TERB1: variants seen among roughly 807,000 people sequenced by gnomAD.
TERB1 encodes the protein telomere repeats-binding bouquet formation protein 1.
TERB1 carries 63 observed loss-of-function variants against 92.3 expected under a neutral mutation model. The ratio of observed to expected loss-of-function variants is 0.68; its 90% confidence interval spans 0.56 to 0.84. The LOEUF (loss-of-function observed/expected upper bound fraction) is 0.84, where lower values mean the gene tolerates loss of function less well. Ranked by LOEUF, TERB1 falls within the 40% of genes least tolerant of loss-of-function variation. The pLI, the probability that TERB1 is intolerant of heterozygous loss-of-function variation, is 0.00. For missense variants in TERB1, 709 were observed against 843.7 expected (o/e 0.84, Z 1.98); for synonymous variants, 252 against 283.9 (o/e 0.89, Z 1.13).
At chr16:66,799,036 A>G (rs1282855311) in intron 2 of TERB1, among the ~76,000 whole-genome samples, 1 of 152,190 alleles carries the variant, frequency 6.6e-6, no homozygotes, top group Non-Finnish European at 1.5e-5. Context: ...ATAAATACAT[A>G]TTGCTTTTGA....
At chr16:66,768,997 C>T (rs1043823681) in intron 14 of TERB1, among the ~76,000 whole-genome samples, 6 of 151,338 alleles carry the variant, frequency 4.0e-5, no homozygotes, top group African/African-American at 1.5e-4. Flanking sequence ...CCCAGCTACT[C>T]GGGAGGCTGA....
In TERB1 at chr16:66,788,223, T is replaced by C. The variant is rs1323175011; in HGVS notation, c.346A>G (p.Ile116Val). The change falls in exon 6 of 19, where the codon ATA becomes GTA. Residue 116 changes from isoleucine to valine, a missense_variant. Physicochemically the swap from Ile to Val is conservative, Grantham distance 29. Transcript: ENST00000433154. ...LTWFLSNDSN[I>V]NLKRMSVYVI... ...TAAACAGACATTCTTTTCAAATTTA[T>C]GTTTGAATCATTAGATAAGAACCAA... 6.6e-7 allele frequency: 1 copy of C among 1,513,196 alleles called. No individual in the cohort carries two copies. The allele number at this position is 1,513,196 out of a possible 1,614,324, so 93.7% of individuals were successfully genotyped here. A position where few individuals can be genotyped will look rare whatever the true frequency, so the allele number is the denominator to read the frequency against.
At position 66,772,703 on chromosome 16, in the gene TERB1, A is replaced by G; in HGVS notation, c.1158T>C (p.Asn386=). Residue 386 remains asparagine (N), a synonymous_variant, in exon 13 of 19, where the codon AAT becomes AAC. Coordinates refer to ENST00000433154, the MANE Select transcript of TERB1 (RefSeq NM_001136505.2). ...TTATGTCCTTTAATTGCTGTGTTTC[A>G]TTTTCATCAAAAGGATATTCTCCTA... ...LSLGEYPFDE[N]ETQQLKDISV... The G allele has an allele frequency of 6.5e-7, 1 of 1,549,016 alleles. No individual in the cohort carries two copies. Among genetic ancestry groups the G allele is most frequent in the Non-Finnish European group, 8.7e-7 (1 of 1,145,412 alleles).
chr16:66,767,534 G>C, intron 15 of TERB1, 24 bp from the exon 16 acceptor site: 252 of 888,932 alleles, frequency 2.8e-4, no homozygotes, highest in Middle Eastern at 4.6e-4. Context: ...CAAAATGAAG[G>C]ATTTTTGGAT....
rs769678480 is a variant in TERB1, at chr16:66,788,300, G to A, written c.272-3C>T. The A allele has an allele frequency of 1.4e-6, 2 of 1,473,130 alleles. No individual in the cohort carries two copies. The highest frequency in any genetic ancestry group is 1.4e-5 in the South Asian group (1 of 70,084). 91.3% of individuals were successfully genotyped at this position (1,473,130 alleles called of 1,614,324 possible). On this transcript the variant is annotated splice_region_variant and splice_polypyrimidine_tract_variant and intron_variant, in intron 5 of 18. Transcript: ENST00000433154. ...ACACAAAGTCTGCTGACAGTAAACT[G>A]AAATATAAAATATAATTTTAATTTC...
In TERB1 at chr16:66,775,900, C is replaced by CA. The variant is rs1229316918; in HGVS notation, c.986-658dup. Among the ~76,000 whole-genome samples the CA allele has an allele frequency of 3.3e-5, 5 of 151,692 alleles. No individual in the cohort carries two copies. The East Asian group carries it at 1.0e-3, about 31-fold the overall frequency. ...TATTTTTTTGTATTTTTAGTAGAGA[C>CA]AGGGTTTCAACATGCTCACCAAGCT... On this transcript the variant is annotated intron_variant, in intron 11 of 18. Transcript: ENST00000433154.
In TERB1 at chr16:66,789,583, C is replaced by CAAAAAAAAAAAAAAAAAAAA. The variant is rs1168904056; in HGVS notation, c.271+992_271+1011dup. On this transcript the variant is annotated intron_variant, in intron 5 of 18. Transcript: ENST00000433154. Reference sequence around the variant, plus strand: ...TGGGCGACAGAGCGAGACTCCGTCTCAAAAAAAAAAAAAAAAAAAAAAAAA... The same window carrying CAAAAAAAAAAAAAAAAAAAA: ...TGGGCGACAGAGCGAGACTCCGTCTCAAAAAAAAAAAAAAAAAAAAAAAAAAAAAAAAAAAAAAAAAAAAA... Among the ~76,000 whole-genome samples, 3 of 5,662 alleles carry CAAAAAAAAAAAAAAAAAAAA rather than the reference C, an allele frequency of 5.3e-4. 1 individual carries two copies. The highest frequency in any genetic ancestry group is 6.7e-4 in the Non-Finnish European group (3 of 4,448). 3.7% of individuals were successfully genotyped at this position (5,662 alleles called of 152,430 possible).
At chr16:66,757,794 C>G (rs1281109352) in intron 18 of TERB1, among the ~76,000 whole-genome samples, 1 of 151,930 alleles carries the variant, frequency 6.6e-6, no homozygotes, top group Non-Finnish European at 1.5e-5. Flanking sequence ...TAACTCCGTA[C>G]GAATAAAAGA....
rs2018816287 is a variant in TERB1, at chr16:66,790,644, C to A, written c.222G>T (p.Met74Ile). 6.5e-7 allele frequency: 1 copy of A among 1,550,040 alleles called. No individual in the cohort carries two copies. The highest frequency in any genetic ancestry group is 2.0e-5 in the Admixed American group (1 of 50,914). Residue 74 changes from methionine (M) to isoleucine (I), a missense_variant, in exon 5 of 19, where the codon ATG (methionine) becomes ATT (isoleucine). Transcript: ENST00000433154. ...KNLAKSSEHSMVKEAALYTLG... is the reference protein window; with the variant it reads ...KNLAKSSEHSIVKEAALYTLG... ...ATGTATATAAGGCTGCTTCTTTTAC[C>A]ATGCTATGTTCACTTGACTTTGCAA...
chr16:66,771,299 G>A (rs1448632060), intron 13 of TERB1, among the ~76,000 whole-genome samples: 1 of 152,156 alleles, frequency 6.6e-6, no homozygotes, highest in East Asian at 1.9e-4. Context: ...AGATCAAAAC[G>A]CTGTGGGGAA....
intron 14 of TERB1, among the ~76,000 whole-genome samples, chr16:66,769,364 TA>T (rs2018404658): frequency 6.6e-6 from 1 of 152,132 alleles, no homozygotes; most frequent in South Asian, 2.1e-4. Context: ...GCCCGAAATG[TA>T]GCAGCATCCT....
intron 3 of TERB1, among the ~76,000 whole-genome samples, chr16:66,795,929 T>C (rs1209578615): frequency 1.3e-5 from 2 of 152,138 alleles, no homozygotes; most frequent in Admixed American, 1.3e-4. Flanking sequence ...TTAATTGTTT[T>C]TGTAGAGACG....
intron 13 of TERB1, among the ~76,000 whole-genome samples, chr16:66,771,869 A>G (rs1370613325): frequency 5.9e-5 from 9 of 152,234 alleles, no homozygotes; most frequent in Admixed American, 5.9e-4. Context: ...TGATTTTTTA[A>G]CACATATGCA....
intron 3 of TERB1, among the ~76,000 whole-genome samples, chr16:66,796,263 C>G (rs575909951): frequency 6.6e-6 from 1 of 152,346 alleles, no homozygotes; most frequent in South Asian, 2.1e-4. Flanking sequence ...TAAGCAACCT[C>G]TTTCTCATGA....
At chr16:66,798,777 TATA>T (rs1280462135) in intron 2 of TERB1, among the ~76,000 whole-genome samples, 1 of 152,258 alleles carries the variant, frequency 6.6e-6, no homozygotes, top group Non-Finnish European at 1.5e-5. Context: ...TCACAATTTT[TATA>T]ATAACAGCTT....
chr16:66,767,524 C>G lies in TERB1; in HGVS notation c.1685-14G>C. 8.3e-7 allele frequency: 1 copy of G among 1,197,616 alleles called. No homozygotes were observed. Among genetic ancestry groups the G allele is most frequent in the Non-Finnish European group, 1.2e-6 (1 of 859,886 alleles). 74.2% of individuals were successfully genotyped at this position (1,197,616 alleles called of 1,614,324 possible). On this transcript the variant is annotated splice_polypyrimidine_tract_variant and intron_variant, in intron 15 of 18. Transcript: ENST00000433154. ...ATGTAAATGGATCTGAAAAAAATTG[C>G]AAAATGAAGGATTTTTGGATTAATG...
chr16:66,783,222 A>G (rs2018667640), intron 9 of TERB1, among the ~76,000 whole-genome samples: 1 of 152,194 alleles, frequency 6.6e-6, no homozygotes, highest in Non-Finnish European at 1.5e-5. Flanking sequence ...TACTTGTAGT[A>G]TTTTGTAGAG....
Position 66,754,954 on chromosome 16 carries a change from A to G in TERB1, c.*22T>C. On this transcript the variant is annotated 3_prime_UTR_variant, in exon 19 of 19. Transcript: ENST00000433154. ...CACTGTATTTTAAGAATCCAAACTA[A>G]AAACTGACAGTCTTCTTTCAATCAA... The G allele has an allele frequency of 6.5e-7, 1 of 1,533,374 alleles. No homozygotes were observed. Among genetic ancestry groups the G allele is most frequent in the Admixed American group, 2.2e-5 (1 of 44,660 alleles). 95.0% of individuals were successfully genotyped at this position (1,533,374 alleles called of 1,614,324 possible). A position where few individuals can be genotyped will look rare whatever the true frequency, so the allele number is the denominator to read the frequency against.
rs1229756627 is a variant in TERB1 at position 66,789,350 on chromosome 16, C to T, written c.272-1053G>A. The stretch of plus-strand genomic sequence containing the variant: ...CTGTAATCCCAGCACTTTGGGAGGC[C>T]GAGGCGGGCGGATCACGAGGTCAGG... On this transcript the variant is annotated intron_variant, in intron 5 of 18. Transcript: ENST00000433154. Among the ~76,000 whole-genome samples, 13 of 38,102 alleles carry T rather than the reference C, an allele frequency of 3.4e-4. 5 individuals are homozygous for T. Among genetic ancestry groups the T allele is most frequent in the Non-Finnish European group, 4.8e-4 (11 of 22,890 alleles). 25.0% of individuals were successfully genotyped at this position (38,102 alleles called of 152,430 possible).
Sources: allele counts gnomAD v4.1 joint callset (sites outside exome capture counted in the v4.1 genomes callset), GRCh38; gene constraint gnomAD v4.1.1; transcripts MANE v1.5; gene names NCBI Gene and HGNC (gene_info 2026-07-23, HGNC 2026-07-21).